SLC35D2: variants seen among roughly 807,000 people sequenced by gnomAD.
SLC35D2 encodes the protein nucleotide sugar transporter SLC35D2.
A neutral mutation model predicts 41.8 loss-of-function variants in SLC35D2; 43 were observed. The observed-to-expected ratio is 1.03, with a 90% confidence interval of 0.81 to 1.33. The LOEUF (loss-of-function observed/expected upper bound fraction) is 1.33, where lower values mean the gene tolerates loss of function less well. Ranked by LOEUF, SLC35D2 falls within the 40% of genes most tolerant of loss-of-function variation. The pLI is 0.00. For missense variants in SLC35D2, 380 were observed against 408.4 expected (o/e 0.93, Z 0.60); for synonymous variants, 150 against 163.9 (o/e 0.92, Z 0.65).
chr9:96,370,135 G>A (rs910526592), intron 1 of SLC35D2, among the ~76,000 whole-genome samples: 31 of 152,008 alleles, frequency 2.0e-4, no homozygotes, highest in African/African-American at 6.3e-4. Context: ...GGGGTATAAC[G>A]GCTACACCCC....
At chr9:96,332,872 GTTTTAC>G (rs1007208327) in intron 9 of SLC35D2, among the ~76,000 whole-genome samples, 25 of 151,024 alleles carry the variant, frequency 1.7e-4, no homozygotes, top group African/African-American at 5.3e-4. Flanking sequence ...CATTTTTACT[GTTTTAC>G]TTATAATAAC....
Position 96,331,520 on chromosome 9 carries a change from C to G in SLC35D2, c.752+5197G>C, listed in dbSNP as rs1337570290. Among the ~76,000 whole-genome samples the G allele has an allele frequency of 3.3e-5, 5 of 152,092 alleles. No individual in the cohort carries two copies. The South Asian group carries it at 1.0e-3, about 32-fold the overall frequency. On this transcript the variant is annotated intron_variant, in intron 9 of 11. Coordinates refer to ENST00000253270, the MANE Select transcript of SLC35D2 (RefSeq NM_007001.3). ...CCCTTTTTTTTTCTTTCCCTCTGCC[C>G]CTCCTGCCACCCTTTCCCCTTTAAA...
At chr9:96,333,001 T>G (rs1828880178) in intron 9 of SLC35D2, among the ~76,000 whole-genome samples, 1 of 149,936 alleles carries the variant, frequency 6.7e-6, no homozygotes, top group African/African-American at 2.4e-5. Context: ...GTGGTTCAAG[T>G]GATTCTCCTG....
At chr9:96,325,797 T>C (rs7853651) in intron 9 of SLC35D2, among the ~76,000 whole-genome samples, 20,275 of 152,172 alleles carry the variant, frequency 0.13, 1,801 homozygotes, top group East Asian at 0.29. Context: ...GCACAGAATT[T>C]ATTTAATTCT....
At chr9:96,374,528 G>C (rs13302650) in intron 1 of SLC35D2, among the ~76,000 whole-genome samples, 1 of 119,262 alleles carries the variant, frequency 8.4e-6, no homozygotes, top group African/African-American at 3.4e-5. Flanking sequence ...GCGAGACTCC[G>C]TCTCAAAAAA....
chr9:96,346,869 G>A (rs550063317), intron 6 of SLC35D2, among the ~76,000 whole-genome samples: 1 of 152,102 alleles, frequency 6.6e-6, no homozygotes, highest in East Asian at 1.9e-4. Flanking sequence ...AGGCGTGGTG[G>A]CTCCTGCCTG....
At chr9:96,348,032 CTCTT>C (rs1212720787) in intron 6 of SLC35D2, among the ~76,000 whole-genome samples, 2 of 152,164 alleles carry the variant, frequency 1.3e-5, no homozygotes, top group Non-Finnish European at 2.9e-5. Context: ...TCTGGGGCTG[CTCTT>C]TCTATGGAGT....
intron 9 of SLC35D2, among the ~76,000 whole-genome samples, chr9:96,333,827 A>C (rs372874628): frequency 1.1e-4 from 16 of 152,184 alleles, no homozygotes; most frequent in Middle Eastern, 3.2e-3. Context: ...TCAAGTTTAC[A>C]ATGACATGAG....
chr9:96,336,585 T>G, intron 9 of SLC35D2, 132 bp downstream of exon 9: 1 of 636,526 alleles, frequency 1.6e-6, no homozygotes, highest in East Asian at 2.8e-5. Flanking sequence ...CCTCCTTTGC[T>G]GCAGGGGTAC....
chr9:96,342,646 C>T (rs577359651), intron 8 of SLC35D2, among the ~76,000 whole-genome samples: 1 of 152,258 alleles, frequency 6.6e-6, no homozygotes, highest in South Asian at 2.1e-4. Context: ...AGCTCTTTAT[C>T]GAGATTGGTG....
chr9:96,363,360 G>C (rs1204432033), intron 3 of SLC35D2, among the ~76,000 whole-genome samples: 1 of 152,148 alleles, frequency 6.6e-6, no homozygotes, highest in East Asian at 1.9e-4. Flanking sequence ...AAATAATCCA[G>C]TGCTAGATGC....
intron 1 of SLC35D2, among the ~76,000 whole-genome samples, chr9:96,373,624 T>G (rs1334342232): frequency 6.6e-6 from 1 of 150,634 alleles, no homozygotes; most frequent in Non-Finnish European, 1.5e-5. Context: ...TAAGCGGAGG[T>G]TGCAGTGAGC....
At chr9:96,344,144 A>G in intron 7 of SLC35D2, 148 bp from the exon 8 acceptor site, 1 of 530,720 alleles carries the variant, frequency 1.9e-6, no homozygotes, top group Non-Finnish European at 3.3e-6. Context: ...AATTTCTGAC[A>G]TAAAATGCTT....
At chr9:96,316,825 T>C (rs1255810984), downstream of SLC35D2, among the ~76,000 whole-genome samples, 4 of 106,004 alleles carry the variant, frequency 3.8e-5, no homozygotes, top group Non-Finnish European at 7.8e-5. Flanking sequence ...ATGCTTGAGA[T>C]ATACTTTATA....
chr9:96,320,212 G>A (rs905411069), downstream of SLC35D2, among the ~76,000 whole-genome samples: 24 of 152,188 alleles, frequency 1.6e-4, no homozygotes, highest in African/African-American at 5.1e-4. Context: ...ACAGGTGAGC[G>A]CTTAAATGCT....
chr9:96,368,286 G>A lies in SLC35D2; in HGVS notation c.178C>T (p.Leu60Phe), dbSNP rs766190155. The A allele has an allele frequency of 6.2e-6, 10 of 1,607,394 alleles. No individual in the cohort carries two copies. The South Asian group carries it at 6.7e-5, about 11-fold the overall frequency. ...TTTTCACTCACCTGTCCAATTCCAA[G>A]GAAAATTGGTGACGGGAAACTACAA... Reference protein sequence around the residue: ...TTYGFPSPIFLGIGQMAATIM... With the variant: ...TTYGFPSPIFFGIGQMAATIM... The change falls in exon 2 of 12, where the codon CTT becomes TTT. Residue 60 changes from leucine to phenylalanine, a missense_variant. Leu to Phe is a conservative substitution (Grantham distance 22). Coordinates refer to ENST00000253270, the MANE Select transcript of SLC35D2 (RefSeq NM_007001.3).
At chr9:96,349,708 T>G (rs965961614) in intron 6 of SLC35D2, among the ~76,000 whole-genome samples, 12 of 152,262 alleles carry the variant, frequency 7.9e-5, no homozygotes, top group African/African-American at 2.6e-4. Context: ...GTATTTTTAG[T>G]AGAGATGGGG....
At chr9:96,340,526 A>T (rs1195289575) in intron 8 of SLC35D2, among the ~76,000 whole-genome samples, 1 of 144,984 alleles carries the variant, frequency 6.9e-6, no homozygotes, top group East Asian at 2.2e-4. Context: ...AGGCTGAGGC[A>T]GGAGAATCGC....
In SLC35D2 at chr9:96,321,176, A is replaced by G; in HGVS notation, c.*66T>C. 2 of 1,242,144 alleles carry G rather than the reference A, an allele frequency of 1.6e-6. No homozygotes were observed. Among genetic ancestry groups the G allele is most frequent in the African/African-American group, 1.5e-5 (1 of 67,036 alleles). 76.9% of individuals were successfully genotyped at this position (1,242,144 alleles called of 1,614,324 possible). A position where few individuals can be genotyped will look rare whatever the true frequency, so the allele number is the denominator to read the frequency against. ...ACGAATCCGAAACCTCTGGCTTCAC[A>G]TTCCTACTGGGAATGCCCCCCCAGC... On this transcript the variant is annotated 3_prime_UTR_variant, in exon 12 of 12. Transcript: ENST00000253270.
Sources: gnomAD v4.1 joint callset for allele counts (sites outside exome capture counted in the v4.1 genomes callset) on GRCh38, gnomAD v4.1.1 for gene constraint, MANE v1.5 for transcripts, NCBI Gene and HGNC (gene_info 2026-07-23, HGNC 2026-07-21) for gene names.